Variants in DSN1 observed in about 807,000 individuals in gnomAD.
DSN1 encodes the protein kinetochore-associated protein DSN1 homolog.
In DSN1, 31 loss-of-function variants were observed where a neutral mutation model predicts 45.7. That is an observed-to-expected ratio of 0.68 (90% CI 0.51 to 0.92). The LOEUF is 0.92. Ranked by LOEUF, DSN1 falls within the 40% of genes least tolerant of loss-of-function variation. The pLI is 0.00. For missense variants in DSN1, 394 were observed against 414.2 expected (o/e 0.95, Z 0.42); for synonymous variants, 134 against 142.3 (o/e 0.94, Z 0.41).
At position 36,752,742 on chromosome 20, in the gene DSN1, C is replaced by A. The variant is rs1382417964; in HGVS notation, c.*46G>T. The A allele has an allele frequency of 6.6e-7, 1 of 1,523,590 alleles. No individual in the cohort carries two copies. The highest frequency in any genetic ancestry group is 9.1e-7 in the Non-Finnish European group (1 of 1,098,504). 94.4% of individuals were successfully genotyped at this position (1,523,590 alleles called of 1,614,324 possible). A position where few individuals can be genotyped will look rare whatever the true frequency, so the allele number is the denominator to read the frequency against. The stretch of plus-strand genomic sequence containing the variant: ...GTCACCACGTGCTGGGGCACTCTTC[C>A]CATTCCTCTCCTCTTGGGCACCTTG... On this transcript the variant is annotated 3_prime_UTR_variant, in exon 11 of 11. Coordinates refer to ENST00000373750, the MANE Select transcript of DSN1 (RefSeq NM_001145315.2).
At chr20:36,762,412 A>C in intron 6 of DSN1, 49 bp downstream of exon 6, 2 of 1,562,714 alleles carry the variant, frequency 1.3e-6, no homozygotes, top group Non-Finnish European at 1.7e-6. Context: ...CGCCCGGCCT[A>C]AAGTCCTAAT....
chr20:36,769,020 T>C (rs1987498493), intron 3 of DSN1, among the ~76,000 whole-genome samples: 1 of 152,228 alleles, frequency 6.6e-6, no homozygotes, highest in South Asian at 2.1e-4. Context: ...GCAAGTATCC[T>C]ATGAATTCCA....
At position 36,768,019 on chromosome 20, in the gene DSN1, C is replaced by G. The variant is rs1443103395; in HGVS notation, c.379G>C (p.Asp127His). 2 of 1,613,954 alleles carry G rather than the reference C, an allele frequency of 1.2e-6. No homozygotes were observed. Among genetic ancestry groups the G allele is most frequent in the African/African-American group, 2.7e-5 (2 of 74,902 alleles). Reference protein sequence around the residue: ...ITELSRSISVDLAESKRLGCL... With the variant: ...ITELSRSISVHLAESKRLGCL... ...CCAAGCCGTTTGCTTTCTGCTAAAT[C>G]GACACTGATAGACCGGCTGAGCTCT... Residue 127 changes from aspartate to histidine, a missense_variant, in exon 4 of 11, where the codon GAT becomes CAT. By Grantham distance (81) the Asp-to-His change is moderately conservative. Transcript: ENST00000373750.
chr20:36,762,475 A>C lies in DSN1; in HGVS notation c.576T>G (p.Phe192Leu). Reference protein sequence around the residue: ...LETDGTLQKCFEDSNGKASDF... With the variant: ...LETDGTLQKCLEDSNGKASDF... ...ACTGCTCTTACCCATTTGAATCTTCAAAACATTTTTGTAGAGTTCCATCAG... is the reference window on the plus strand; with the variant it reads ...ACTGCTCTTACCCATTTGAATCTTCCAAACATTTTTGTAGAGTTCCATCAG... The change falls in exon 6 of 11, where the codon TTT becomes TTG. Residue 192 changes from phenylalanine to leucine, a missense_variant. By Grantham distance (22) the Phe-to-Leu change is conservative. Coordinates refer to ENST00000373750, the MANE Select transcript of DSN1 (RefSeq NM_001145315.2). 4 of 1,613,564 alleles carry C rather than the reference A, an allele frequency of 2.5e-6. No individual in the cohort carries two copies. Among genetic ancestry groups the C allele is most frequent in the Non-Finnish European group, 3.4e-6 (4 of 1,179,780 alleles).
At chr20:36,753,782 G>A (rs563394992) in intron 10 of DSN1, among the ~76,000 whole-genome samples, 2 of 147,832 alleles carry the variant, frequency 1.4e-5, no homozygotes, top group South Asian at 2.2e-4. Flanking sequence ...CAAGGCAGGT[G>A]GATCACCTGA....
chr20:36,758,449 C>T (rs1986791803), intron 7 of DSN1, 109 bp downstream of exon 7: 1 of 911,306 alleles, frequency 1.1e-6, no homozygotes, highest in Non-Finnish European at 1.7e-6. Context: ...AGTATTGATG[C>T]ACTAATGCTG....
intron 4 of DSN1, among the ~76,000 whole-genome samples, chr20:36,767,386 G>GA (rs35041125): frequency 4.8e-4 from 71 of 147,996 alleles, no homozygotes; most frequent in Non-Finnish European, 7.3e-4. Context: ...TTCGGTTCAG[G>GA]AAAAAAAAAA....
chr20:36,752,586 A>C lies in DSN1; in HGVS notation c.*202T>G. The C allele has an allele frequency of 2.2e-6, 1 of 454,314 alleles. No homozygotes were observed. Among genetic ancestry groups the C allele is most frequent in the East Asian group, 3.4e-5 (1 of 29,682 alleles). The allele number at this position is 454,314 out of a possible 1,614,324, so 28.1% of individuals were successfully genotyped here. On this transcript the variant is annotated 3_prime_UTR_variant, in exon 11 of 11. Transcript: ENST00000373750. ...AAGTTTGAACTTTCAAGCATTTTGC[A>C]CATTCCTGGGAAAATTGTCTATACA...
At chr20:36,763,114 A>G (rs929552739) in intron 5 of DSN1, among the ~76,000 whole-genome samples, 9 of 152,178 alleles carry the variant, frequency 5.9e-5, no homozygotes, top group Non-Finnish European at 1.3e-4. Context: ...TTTAAAAGGT[A>G]TATCTGAGGC....
intron 8 of DSN1, 135 bp downstream of exon 8, chr20:36,757,952 C>T (rs970523239): frequency 2.5e-6 from 2 of 798,326 alleles, no homozygotes. Context: ...AGTGCTAATA[C>T]ACACTACAGA....
At chr20:36,770,278 T>C (rs1987576084) in intron 3 of DSN1, among the ~76,000 whole-genome samples, 1 of 152,024 alleles carries the variant, frequency 6.6e-6, no homozygotes, top group Non-Finnish European at 1.5e-5. Context: ...CCATCTTGCC[T>C]AGGTTGTCCT....
At chr20:36,756,302 T>C (rs944586302) in intron 8 of DSN1, among the ~76,000 whole-genome samples, 8 of 152,076 alleles carry the variant, frequency 5.3e-5, no homozygotes, top group South Asian at 2.1e-4. Flanking sequence ...TCTGAAACAA[T>C]TGTCTAGTAT....
At chr20:36,764,348 C>T (rs1987196858) in intron 5 of DSN1, among the ~76,000 whole-genome samples, 1 of 152,086 alleles carries the variant, frequency 6.6e-6, no homozygotes, top group African/African-American at 2.4e-5. Flanking sequence ...CAGGATAATC[C>T]TAGCATATCT....
At chr20:36,755,263 T>C (rs980922251) in intron 9 of DSN1, among the ~76,000 whole-genome samples, 5 of 152,122 alleles carry the variant, frequency 3.3e-5, no homozygotes, top group Admixed American at 3.3e-4. Context: ...CCAATACCCA[T>C]ACCTTTCTAT....
At chr20:36,771,373 T>A in intron 2 of DSN1, 52 bp downstream of exon 2, 1 of 1,586,318 alleles carries the variant, frequency 6.3e-7, no homozygotes, top group Non-Finnish European at 8.6e-7. Context: ...TGGGTATAGC[T>A]CAGAAGCCTG....
At chr20:36,761,236 A>G (rs80177909) in intron 6 of DSN1, among the ~76,000 whole-genome samples, 2,014 of 152,270 alleles carry the variant, frequency 0.013, 25 homozygotes, top group Non-Finnish European at 0.018. Flanking sequence ...TTCAAGCCCA[A>G]GGTCAAATCA....
chr20:36,771,480 A>G lies in DSN1; in HGVS notation c.-15-7T>C. Reference sequence around the variant, plus strand: ...TCATCCTAGGTGGTAAACTCTGAAAATAGGAAAATGGAAGTGATCTGTTCT... The same window carrying G: ...TCATCCTAGGTGGTAAACTCTGAAAGTAGGAAAATGGAAGTGATCTGTTCT... On this transcript the variant is annotated splice_polypyrimidine_tract_variant and splice_region_variant and intron_variant, in intron 1 of 10. Coordinates refer to ENST00000373750, the MANE Select transcript of DSN1 (RefSeq NM_001145315.2). 1.2e-6 allele frequency: 2 copies of G among 1,613,158 alleles called. No homozygotes were observed. Among genetic ancestry groups the G allele is most frequent in the Non-Finnish European group, 1.7e-6 (2 of 1,179,356 alleles).
Position 36,752,911 on chromosome 20 carries a change from A to T in DSN1, c.962-14T>A. ...TGCTTCTCTTTCCTGCAGAGAAAAG[A>T]GGCCAAAAAATAAATTTCAATTGAA... On this transcript the variant is annotated splice_polypyrimidine_tract_variant and intron_variant, in intron 10 of 10. Coordinates refer to ENST00000373750, the MANE Select transcript of DSN1 (RefSeq NM_001145315.2). The T allele has an allele frequency of 6.3e-7, 1 of 1,597,524 alleles. No homozygotes were observed. The highest frequency in any genetic ancestry group is 1.1e-5 in the South Asian group (1 of 90,356).
rs917120832 is a variant in DSN1, at chr20:36,762,361, C to T, written c.590+100G>A. On this transcript the variant is annotated intron_variant, in intron 6 of 10. Coordinates refer to ENST00000373750, the MANE Select transcript of DSN1 (RefSeq NM_001145315.2). ...TCCTGACCTCGTAATCCGCCCACCT[C>T]GGCCTCCCAAAGTGCTGGGATTACA... 6.8e-5 allele frequency: 66 copies of T among 971,204 alleles called. No homozygotes were observed. The African/African-American group carries it at 8.3e-4, about 12-fold the overall frequency. The allele number at this position is 971,204 out of a possible 1,614,324, so 60.2% of individuals were successfully genotyped here. A position where few individuals can be genotyped will look rare whatever the true frequency, so the allele number is the denominator to read the frequency against.
Sources: gnomAD v4.1 joint callset for allele counts (sites outside exome capture counted in the v4.1 genomes callset) on GRCh38, gnomAD v4.1.1 for gene constraint, MANE v1.5 for transcripts, NCBI Gene and HGNC (gene_info 2026-07-23, HGNC 2026-07-21) for gene names.